Variants in PRR16 observed in about 807,000 individuals in gnomAD.
PRR16 encodes protein Largen.
Under a neutral mutation model 18.2 loss-of-function variants are expected in PRR16, and 6 were observed. The observed-to-expected ratio is 0.33, with a 90% CI of 0.18 to 0.65. PRR16 has a LOEUF of 0.65. PRR16 is among the 30% of genes least tolerant of loss of function. The pLI is 0.74. For synonymous variants in PRR16, 151 were observed against 147.8 expected (o/e 1.02, Z -0.16); for missense variants, 412 against 376.6 (o/e 1.09, Z -0.78).
chr5:120,750,476 T>C, the PRR16 span, among the ~76,000 whole-genome samples: 1 of 151,714 alleles, frequency 6.6e-6, no homozygotes, highest in Admixed American at 6.6e-5. Flanking sequence ...CTGATCAACA[T>C]GGTGAAATCC....
At chr5:120,703,194 G>C in the PRR16 span, among the ~76,000 whole-genome samples, 1 of 152,136 alleles carries the variant, frequency 6.6e-6, no homozygotes, top group Admixed American at 6.5e-5. Context: ...TGCCTTTTGA[G>C]CCAGGATGAG....
the PRR16 span, among the ~76,000 whole-genome samples, chr5:120,747,608 C>T: frequency 2.0e-5 from 3 of 152,098 alleles, no homozygotes; most frequent in Non-Finnish European, 2.9e-5. Flanking sequence ...ATTCTGTACC[C>T]ACAATGAATG....
intron 1 of PRR16, among the ~76,000 whole-genome samples, chr5:120,507,088 T>TGA (rs1277252289): frequency 6.6e-6 from 1 of 152,128 alleles, no homozygotes; most frequent in Non-Finnish European, 1.5e-5. Context: ...ATCCTTTCTG[T>TGA]GATGATTTGT....
At chr5:120,664,510 G>T (rs1320008920) in intron 1 of PRR16, among the ~76,000 whole-genome samples, 1 of 151,342 alleles carries the variant, frequency 6.6e-6, no homozygotes, top group Non-Finnish European at 1.5e-5. Context: ...ACAATGTGCA[G>T]GTTAGTTACA....
chr5:120,702,711 G>T, the PRR16 span, among the ~76,000 whole-genome samples: 30 of 152,146 alleles, frequency 2.0e-4, no homozygotes, highest in Non-Finnish European at 2.6e-4. Context: ...AAAATGAAAG[G>T]AATTGAAATT....
intron 1 of PRR16, among the ~76,000 whole-genome samples, chr5:120,488,446 A>G (rs201971351): frequency 6.6e-6 from 1 of 152,088 alleles, no homozygotes; most frequent in East Asian, 1.9e-4. Flanking sequence ...AGAGGTGTTT[A>G]TAGTATTCTC....
chr5:120,676,566 G>A (rs541932032), intron 1 of PRR16, among the ~76,000 whole-genome samples: 3 of 150,878 alleles, frequency 2.0e-5, no homozygotes, highest in African/African-American at 7.3e-5. Context: ...ATATATGTAT[G>A]CTTTTTCAAA....
At chr5:120,518,633 T>A (rs1751074840) in intron 1 of PRR16, among the ~76,000 whole-genome samples, 1 of 152,190 alleles carries the variant, frequency 6.6e-6, no homozygotes, top group African/African-American at 2.4e-5. Flanking sequence ...AGTAATAAAT[T>A]TTTTCCTGGA....
chr5:120,718,706 T>C, the PRR16 span, among the ~76,000 whole-genome samples: 1 of 152,124 alleles, frequency 6.6e-6, no homozygotes, highest in Non-Finnish European at 1.5e-5. Flanking sequence ...ATGGATTACA[T>C]AGTGCATGGG....
At chr5:120,706,805 CT>C in the PRR16 span, among the ~76,000 whole-genome samples, 5 of 152,152 alleles carry the variant, frequency 3.3e-5, no homozygotes, top group Non-Finnish European at 7.3e-5. Context: ...TCGAATTCAA[CT>C]TCTTGGAGAA....
chr5:120,573,145 A>G (rs533290245), intron 1 of PRR16, among the ~76,000 whole-genome samples: 1 of 152,162 alleles, frequency 6.6e-6, no homozygotes, highest in Non-Finnish European at 1.5e-5. Flanking sequence ...GCATCAGATT[A>G]AGGTCAAATG....
chr5:120,760,733 C>A, the PRR16 span, among the ~76,000 whole-genome samples: 1 of 152,122 alleles, frequency 6.6e-6, no homozygotes. Flanking sequence ...AGGGAGCAAC[C>A]TTCGACCAAT....
At chr5:120,568,755 G>T (rs973482298) in intron 1 of PRR16, among the ~76,000 whole-genome samples, 1 of 152,008 alleles carries the variant, frequency 6.6e-6, no homozygotes, top group Non-Finnish European at 1.5e-5. Flanking sequence ...AAGTGATTCA[G>T]ATGCTTTTCT....
chr5:120,775,651 A>G, the PRR16 span, among the ~76,000 whole-genome samples: 570 of 118,320 alleles, frequency 4.8e-3, 2 homozygotes, highest in African/African-American at 0.017. Context: ...TTTTTTTTAG[A>G]TGGAGTTTCA....
chr5:120,597,716 G>T lies in PRR16; in HGVS notation c.160-88238G>T, dbSNP rs186833726. The stretch of plus-strand genomic sequence containing the variant: ...CTTAATTTCTGTAACTATAGTGTCT[G>T]GATATTTAGGAGCGTGATTCTTCCA... On this transcript the variant is annotated intron_variant, in intron 1 of 1. Transcript: ENST00000407149. Among the ~76,000 whole-genome samples the T allele has an allele frequency of 2.5e-4, 38 of 151,748 alleles. No individual in the cohort carries two copies. In the East Asian group the frequency reaches 7.2e-3, roughly 29 times the overall value.
the PRR16 span, among the ~76,000 whole-genome samples, chr5:120,695,937 GTATA>G: frequency 4.0e-4 from 60 of 149,852 alleles, no homozygotes; most frequent in South Asian, 3.6e-3. Context: ...ATGTGTGTGT[GTATA>G]TATATATATA....
At chr5:120,525,604 A>G (rs941254627) in intron 1 of PRR16, among the ~76,000 whole-genome samples, 1 of 150,826 alleles carries the variant, frequency 6.6e-6, no homozygotes, top group African/African-American at 2.4e-5. Flanking sequence ...AGCAACATCA[A>G]TATTGCTTTT....
In PRR16 at chr5:120,627,330, A is replaced by G. The variant is rs564138045; in HGVS notation, c.160-58624A>G. 7.6e-4 allele frequency among the ~76,000 whole-genome samples: 115 copies of G among 152,212 alleles called. 2 individuals carry two copies. In the East Asian group the frequency reaches 0.017, roughly 22 times the overall value. On this transcript the variant is annotated intron_variant, in intron 1 of 1. Coordinates refer to ENST00000407149, the MANE Select transcript of PRR16 (RefSeq NM_001300783.2). ...TTGCTCAAATTAGTAGATACTTAAC[A>G]AGTACTGATTAATTCTGTACAGCCA...
chr5:120,775,518 A>C, the PRR16 span, among the ~76,000 whole-genome samples: 1 of 152,084 alleles, frequency 6.6e-6, no homozygotes, highest in African/African-American at 2.4e-5. Context: ...ATATAGCATT[A>C]ATAGTTTCCT....
Sources: gnomAD v4.1 joint callset for allele counts (sites outside exome capture counted in the v4.1 genomes callset) on GRCh38, gnomAD v4.1.1 for gene constraint, MANE v1.5 for transcripts, NCBI Gene and HGNC (gene_info 2026-07-23, HGNC 2026-07-21) for gene names.